The following TCF20 variants were observed in gnomAD, a reference collection of about 807,000 sequenced individuals.
TCF20 encodes SPRE-binding protein.
Under a neutral mutation model 148.6 loss-of-function variants are expected in TCF20, and 3 were observed. That is an observed-to-expected ratio of 0.02 (90% CI 0.01 to 0.05). The LOEUF is 0.05. Among genes scored for constraint, TCF20 ranks in the 10% least tolerant of loss-of-function variants. TCF20 has a pLI of 1.00. For synonymous variants in TCF20, 1,049 were observed against 909.5 expected, an observed-to-expected ratio of 1.15 and a Z score of -2.76; for missense variants, 2,350 against 2,429.3, an observed-to-expected ratio of 0.97 and a Z score of 0.69.
chr22:42,221,822 T>C (rs1922397737), intron 1 of TCF20, among the ~76,000 whole-genome samples: 1 of 142,222 alleles, frequency 7.0e-6, no homozygotes, highest in East Asian at 2.2e-4. Flanking sequence ...CACTGCAAGC[T>C]CCGCCTCCCG....
intron 1 of TCF20, chr22:42,278,283 C>T (rs1005635078): frequency 6.6e-6 from 1 of 152,202 alleles, no homozygotes; most frequent in Non-Finnish European, 1.5e-5. Context: ...CACGGGCAGC[C>T]CTCTGAGCTG....
intron 1 of TCF20, among the ~76,000 whole-genome samples, chr22:42,300,497 G>A (rs890052202): frequency 6.6e-6 from 1 of 152,176 alleles, no homozygotes; most frequent in Admixed American, 6.5e-5. Context: ...CAACGCTTTT[G>A]TTTCCCAGGG....
intron 1 of TCF20, among the ~76,000 whole-genome samples, chr22:42,267,473 C>T (rs1036172693): frequency 1.3e-5 from 2 of 152,040 alleles, no homozygotes; most frequent in East Asian, 3.9e-4. Context: ...GGGCCCAAGG[C>T]GGGTGGATCA....
At chr22:42,324,222 GA>G (rs1927827004) in intron 1 of TCF20, among the ~76,000 whole-genome samples, 1 of 150,586 alleles carries the variant, frequency 6.6e-6, no homozygotes, top group Non-Finnish European at 1.5e-5. Context: ...AGGTGGTGAT[GA>G]TGGTGGTGAT....
intron 2 of TCF20, among the ~76,000 whole-genome samples, chr22:42,203,290 C>A (rs1189265257): frequency 6.6e-6 from 1 of 152,078 alleles, no homozygotes; most frequent in African/African-American, 2.4e-5. Flanking sequence ...GGATTACAAG[C>A]ATAAGCCACC....
intron 2 of TCF20, among the ~76,000 whole-genome samples, chr22:42,196,292 G>T (rs546687351): frequency 1.3e-5 from 2 of 152,204 alleles, no homozygotes; most frequent in South Asian, 4.1e-4. Flanking sequence ...GGTGACAGGT[G>T]AGCTGGTTTT....
intron 1 of TCF20, among the ~76,000 whole-genome samples, chr22:42,262,721 A>G (rs1239811111): frequency 6.6e-6 from 1 of 152,074 alleles, no homozygotes; most frequent in Non-Finnish European, 1.5e-5. Flanking sequence ...GGGAAGAGAC[A>G]CTGAGCTCAG....
chr22:42,251,070 T>C (rs749443474), intron 1 of TCF20, among the ~76,000 whole-genome samples: 7 of 152,338 alleles, frequency 4.6e-5, no homozygotes, highest in Middle Eastern at 3.4e-3. Flanking sequence ...ACTTCCAATA[T>C]TGGGGATTAC....
At chr22:42,194,333 T>G (rs926647779) in intron 2 of TCF20, among the ~76,000 whole-genome samples, 1 of 152,166 alleles carries the variant, frequency 6.6e-6, no homozygotes, top group African/African-American at 2.4e-5. Context: ...ATTCCATTAT[T>G]GGGAGATGAT....
In TCF20 at chr22:42,317,656, G is replaced by A. The variant is rs1053148636; in HGVS notation, c.-37+25823C>T. Among the ~76,000 whole-genome samples, 2 of 152,232 alleles carry A rather than the reference G, an allele frequency of 1.3e-5. No individual in the cohort carries two copies. The highest frequency in any genetic ancestry group is 4.8e-5 in the African/African-American group (2 of 41,464). On this transcript the variant is annotated intron_variant, in intron 1 of 1. Coordinates refer to the TCF20 transcript ENST00000515426. The surrounding 1 kb of genome is among the most constrained non-coding windows in gnomAD (Gnocchi z 4.2). ...TGCATTCCCGCTGGGGGCTGGGGGG[G>A]AAAGGGGTGTAGACTCAGCCGCAGG...
intron 1 of TCF20, among the ~76,000 whole-genome samples, chr22:42,215,956 G>A (rs1921730619): frequency 6.6e-6 from 1 of 151,838 alleles, no homozygotes; most frequent in African/African-American, 2.4e-5. Context: ...AGACAAATGA[G>A]CCCCCAAACT....
chr22:42,226,723 T>C (rs1377403915), intron 1 of TCF20, among the ~76,000 whole-genome samples: 1 of 151,866 alleles, frequency 6.6e-6, no homozygotes, highest in African/African-American at 2.4e-5. Flanking sequence ...AAAGAAATAA[T>C]AATAAAACAA....
intron 3 of TCF20, 97 bp downstream of exon 3, chr22:42,179,509 AAAG>A (rs1936663561): frequency 1.2e-5 from 9 of 759,398 alleles, no homozygotes; most frequent in South Asian, 5.1e-5. Context: ...AAAAAAAAAA[AAAG>A]AAAAGAAAAG....
intron 3 of TCF20, among the ~76,000 whole-genome samples, chr22:42,172,902 T>C (rs1017461353): frequency 6.6e-6 from 1 of 152,074 alleles, no homozygotes; most frequent in Non-Finnish European, 1.5e-5. Context: ...TCCTGGGCCA[T>C]AAGGAGGGAA....
chr22:42,288,702 T>G (rs1601694454), upstream of TCF20, among the ~76,000 whole-genome samples: 1 of 133,002 alleles, frequency 7.5e-6, no homozygotes, highest in African/African-American at 2.9e-5. Flanking sequence ...GCTGTATTTT[T>G]GAGACCCTGT....
intron 1 of TCF20, chr22:42,277,069 A>G (rs1926795900): frequency 6.6e-6 from 1 of 152,122 alleles, no homozygotes; most frequent in South Asian, 2.1e-4. Flanking sequence ...TGCTTCTCCA[A>G]ACCTTCTCTC....
At chr22:42,236,808 TTAAC>T (rs1300643208) in intron 1 of TCF20, among the ~76,000 whole-genome samples, 1 of 152,218 alleles carries the variant, frequency 6.6e-6, no homozygotes, top group Non-Finnish European at 1.5e-5. Flanking sequence ...CCAGCACATA[TTAAC>T]TTTTATATGT....
intron 3 of TCF20, among the ~76,000 whole-genome samples, 199 bp from the exon 4 acceptor site, chr22:42,170,095 GAA>G (rs1185243609): frequency 2.6e-5 from 4 of 151,894 alleles, no homozygotes; most frequent in Non-Finnish European, 5.9e-5. Flanking sequence ...ATTAACATTT[GAA>G]AAGAGTTAAT....
chr22:42,312,516 G>A (rs1927554449), intron 1 of TCF20, among the ~76,000 whole-genome samples: 1 of 152,078 alleles, frequency 6.6e-6, no homozygotes, highest in African/African-American at 2.4e-5. Context: ...GGGGGAGCTT[G>A]GATTCTAGAA....
Sources: gnomAD v4.1 joint callset for allele counts (sites outside exome capture counted in the v4.1 genomes callset) on GRCh38, gnomAD v4.1.1 for gene constraint, Gnocchi (gnomAD v3.1) non-coding constraint, MANE v1.5 for transcripts, NCBI Gene and HGNC (gene_info 2026-07-23, HGNC 2026-07-21) for gene names.